FRAS1: variants seen among roughly 807,000 people sequenced by gnomAD.
FRAS1 encodes the protein Fraser extracellular matrix complex subunit 1, also known as extracellular matrix organizing protein FRAS1.
Under a neutral mutation model 435.2 loss-of-function variants are expected in FRAS1, and 290 were observed. That is an observed-to-expected ratio of 0.67 (90% CI 0.61 to 0.73). FRAS1 has a LOEUF of 0.73. FRAS1 is among the 30% of genes least tolerant of loss of function. The pLI, the probability that FRAS1 is intolerant of heterozygous loss-of-function variation, is 0.00. For synonymous variants in FRAS1, 1,800 were observed against 1,851.0 expected (o/e 0.97, Z 0.71); for missense variants, 4,860 against 5,001.5 (o/e 0.97, Z 0.85).
chr4:78,513,925 G>A (rs753570437), intron 65 of FRAS1, among the ~76,000 whole-genome samples: 15 of 152,332 alleles, frequency 9.8e-5, no homozygotes, highest in Admixed American at 2.6e-4. Flanking sequence ...CTTAGAGTGA[G>A]CATGTTTACA....
At chr4:78,447,870 A>G (rs1035162631) in intron 43 of FRAS1, among the ~76,000 whole-genome samples, 183 bp from the exon 44 acceptor site, 1 of 152,134 alleles carries the variant, frequency 6.6e-6, no homozygotes, top group African/African-American at 2.4e-5. Context: ...TTATTTGTGT[A>G]TGAGGCCACA....
intron 59 of FRAS1, among the ~76,000 whole-genome samples, chr4:78,495,473 G>T (rs1165532125): frequency 6.6e-6 from 1 of 152,034 alleles, no homozygotes; most frequent in Non-Finnish European, 1.5e-5. Flanking sequence ...GGGCACTCAT[G>T]ACATTTACAC....
intron 58 of FRAS1, among the ~76,000 whole-genome samples, chr4:78,483,799 A>ATATATATATATATATAT (rs1560753038): frequency 0.011 from 732 of 67,098 alleles, 73 homozygotes; most frequent in South Asian, 0.018. Context: ...TATATATATA[A>ATATATATATATATATAT]AATTATGTAT....
chr4:78,245,019 A>C (rs1364855665), intron 3 of FRAS1, among the ~76,000 whole-genome samples: 1 of 152,068 alleles, frequency 6.6e-6, no homozygotes, highest in African/African-American at 2.4e-5. Context: ...TTTTCAAGGA[A>C]ATTACTTTTA....
intron 2 of FRAS1, among the ~76,000 whole-genome samples, chr4:78,137,283 C>T (rs1312782368): frequency 6.6e-6 from 1 of 152,148 alleles, no homozygotes; most frequent in Non-Finnish European, 1.5e-5. Flanking sequence ...TTTATAGACT[C>T]TGTTGGTTCC....
At position 78,212,633 on chromosome 4, in the gene FRAS1, A is replaced by C. The variant is rs143478769; in HGVS notation, c.109-24877A>C. Among the ~76,000 whole-genome samples the C allele has an allele frequency of 3.0e-4, 46 of 152,328 alleles. No homozygotes were observed. In the East Asian group the frequency reaches 4.6e-3, roughly 15 times the overall value. On this transcript the variant is annotated intron_variant, in intron 2 of 73. Transcript: ENST00000512123. ...ATTCCTTATGTTCATACCTTTTACT[A>C]TACCACATTTCACACACTCACAGGG...
chr4:78,091,399 T>G (rs1054253428), intron 2 of FRAS1, among the ~76,000 whole-genome samples: 2 of 152,018 alleles, frequency 1.3e-5, no homozygotes. Flanking sequence ...TAATAGGAGA[T>G]TCTCATGTTA....
At position 78,375,777 on chromosome 4, in the gene FRAS1, C is replaced by T. The variant is rs375063448; in HGVS notation, c.3190C>T (p.Arg1064Cys). 4.0e-5 allele frequency: 64 copies of T among 1,609,894 alleles called. No individual in the cohort carries two copies. Among genetic ancestry groups the T allele is most frequent in the Middle Eastern group, 1.7e-4 (1 of 6,050 alleles). ...QGCLQCSHRD[R>C]CHLCDHGFFL... ...GTGCTTGCAGTGCAGCCACAGGGACCGTTGTCACCTCTGTGACCATGGGTT... is the reference window on the plus strand; with the variant it reads ...GTGCTTGCAGTGCAGCCACAGGGACTGTTGTCACCTCTGTGACCATGGGTT... The change falls in exon 26 of 74, where the codon CGT becomes TGT. Residue 1064 changes from arginine (R) to cysteine (C), a missense_variant. By Grantham distance (180) the Arg-to-Cys change is radical (BLOSUM62 -3). Coordinates refer to ENST00000512123, the MANE Select transcript of FRAS1 (RefSeq NM_025074.7).
At chr4:78,292,120 CT>C (rs1357159383) in intron 14 of FRAS1, among the ~76,000 whole-genome samples, 3 of 152,098 alleles carry the variant, frequency 2.0e-5, no homozygotes, top group Non-Finnish European at 4.4e-5. Flanking sequence ...GAAACCATTC[CT>C]TTATTTTTCA....
At chr4:78,117,331 A>T (rs1718655977) in intron 2 of FRAS1, among the ~76,000 whole-genome samples, 2 of 152,074 alleles carry the variant, frequency 1.3e-5, no homozygotes, top group South Asian at 4.2e-4. Flanking sequence ...CTTCTCGAGG[A>T]ATATCTTTGT....
intron 2 of FRAS1, among the ~76,000 whole-genome samples, chr4:78,117,461 A>G (rs1718682693): frequency 6.6e-6 from 1 of 152,294 alleles, no homozygotes; most frequent in East Asian, 1.9e-4. Context: ...TGTCACTTTC[A>G]GATACACCAA....
At chr4:78,254,515 A>C (rs1725696760) in intron 5 of FRAS1, among the ~76,000 whole-genome samples, 1 of 152,198 alleles carries the variant, frequency 6.6e-6, no homozygotes, top group Non-Finnish European at 1.5e-5. Flanking sequence ...CTAAAAAACC[A>C]ACCCTACAAG....
intron 61 of FRAS1, among the ~76,000 whole-genome samples, chr4:78,506,628 G>A (rs67201837): frequency 0.26 from 40,067 of 152,064 alleles, 5,677 homozygotes; most frequent in South Asian, 0.52. Flanking sequence ...TTGGGCAGGC[G>A]TGTCCCATTT....
intron 37 of FRAS1, 110 bp downstream of exon 37, chr4:78,430,527 T>A: frequency 9.2e-7 from 1 of 1,088,574 alleles, no homozygotes; most frequent in South Asian, 1.8e-5. Flanking sequence ...TGATACAGAC[T>A]ATGAGGAGCT....
At chr4:78,289,972 G>T (rs1347896784) in intron 14 of FRAS1, among the ~76,000 whole-genome samples, 1 of 152,144 alleles carries the variant, frequency 6.6e-6, no homozygotes, top group Non-Finnish European at 1.5e-5. Flanking sequence ...ATCTAAACTG[G>T]ATCCAGGTGG....
chr4:78,249,989 A>T (rs1725454408), intron 4 of FRAS1, among the ~76,000 whole-genome samples: 1 of 152,150 alleles, frequency 6.6e-6, no homozygotes. Flanking sequence ...TGTTCTATAT[A>T]GTCTTTAAAT....
chr4:78,404,600 A>C (rs1733029696), intron 30 of FRAS1, among the ~76,000 whole-genome samples: 1 of 152,170 alleles, frequency 6.6e-6, no homozygotes, highest in Non-Finnish European at 1.5e-5. Context: ...AGTGGCATCC[A>C]GTCATCTATC....
intron 71 of FRAS1, 49 bp from the exon 72 acceptor site, chr4:78,536,946 T>C (rs755620968): frequency 6.6e-7 from 1 of 1,504,254 alleles, no homozygotes; most frequent in South Asian, 1.1e-5. Context: ...ACATTTGTTT[T>C]TCTTTCATCT....
At chr4:78,294,430 C>G (rs773450557) in intron 14 of FRAS1, among the ~76,000 whole-genome samples, 1 of 152,158 alleles carries the variant, frequency 6.6e-6, no homozygotes, top group Non-Finnish European at 1.5e-5. Flanking sequence ...TGAGTAGAAG[C>G]TGAGAAGCTG....
Sources: gnomAD v4.1 joint callset for allele counts (sites outside exome capture counted in the v4.1 genomes callset) on GRCh38, gnomAD v4.1.1 for gene constraint, MANE v1.5 for transcripts, NCBI Gene and HGNC (gene_info 2026-07-23, HGNC 2026-07-21) for gene names.